The following ANKS1B variants were observed in gnomAD, a reference collection of about 807,000 sequenced individuals.
ANKS1B encodes the protein ankyrin repeat and sterile alpha motif domain containing 1B, also known as ankyrin repeat and sterile alpha motif domain-containing protein 1B.
Under a neutral mutation model 148.3 loss-of-function variants are expected in ANKS1B, and 36 were observed. The ratio of observed to expected loss-of-function variants is 0.24; its 90% CI spans 0.19 to 0.32. The LOEUF is 0.32. ANKS1B is among the 10% of genes least tolerant of loss of function. The pLI is 1.00. For missense variants in ANKS1B, 1,157 were observed against 1,542.6 expected, an observed-to-expected ratio of 0.75 and a Z score of 4.19; for synonymous variants, 542 against 560.8, an observed-to-expected ratio of 0.97 and a Z score of 0.47.
chr12:99,191,789 C>T (rs2080744663), intron 14 of ANKS1B, among the ~76,000 whole-genome samples: 1 of 152,046 alleles, frequency 6.6e-6, no homozygotes, highest in Non-Finnish European at 1.5e-5. Context: ...ACGTGTATAC[C>T]TATGTAACAA....
At position 99,307,809 on chromosome 12, in the gene ANKS1B, C is replaced by G. The variant is rs145877076; in HGVS notation, c.1757-60945G>C. 4.0e-3 allele frequency among the ~76,000 whole-genome samples: 604 copies of G among 151,872 alleles called. 3 individuals carry two copies. The highest frequency in any genetic ancestry group is 0.014 in the African/African-American group (575 of 41,452). On this transcript the variant is annotated intron_variant, in intron 12 of 26. Coordinates refer to ENST00000683438, the MANE Select transcript of ANKS1B (RefSeq NM_001352186.2). ...TTTGCTACATCAAATGTGATCTAGG[C>G]CAACCTTTTTTATTTAGCTGTAGTG...
At chr12:99,225,550 C>T (rs573733162) in intron 14 of ANKS1B, among the ~76,000 whole-genome samples, 1 of 152,204 alleles carries the variant, frequency 6.6e-6, no homozygotes, top group East Asian at 1.9e-4. Flanking sequence ...GCAGATCACC[C>T]TCAATCTGGG....
At chr12:99,619,306 C>A (rs1209903912) in intron 9 of ANKS1B, among the ~76,000 whole-genome samples, 5 of 151,624 alleles carry the variant, frequency 3.3e-5, no homozygotes, top group Non-Finnish European at 1.5e-5. Flanking sequence ...CCTGAGCCAC[C>A]CTACCCTTCC....
At chr12:99,209,832 A>G (rs1359530826) in intron 14 of ANKS1B, among the ~76,000 whole-genome samples, 1 of 152,126 alleles carries the variant, frequency 6.6e-6, no homozygotes, top group Non-Finnish European at 1.5e-5. Context: ...GACCAAAAAC[A>G]TTCCAAACCC....
chr12:99,586,133 A>G (rs573148280), intron 9 of ANKS1B, among the ~76,000 whole-genome samples: 4 of 152,142 alleles, frequency 2.6e-5, no homozygotes, highest in Non-Finnish European at 4.4e-5. Flanking sequence ...CTAAGTTGCA[A>G]TTCCAAACCA....
At chr12:99,947,903 C>T (rs2095110911) in intron 1 of ANKS1B, among the ~76,000 whole-genome samples, 2 of 152,182 alleles carry the variant, frequency 1.3e-5, no homozygotes, top group Non-Finnish European at 2.9e-5. Flanking sequence ...GTGCTCATCT[C>T]CATCTTCAAA....
intron 8 of ANKS1B, among the ~76,000 whole-genome samples, chr12:99,716,641 T>C (rs11110013): frequency 0.66 from 99,749 of 151,812 alleles, 32,906 homozygotes; most frequent in Non-Finnish European, 0.69. Context: ...AAATAATTCT[T>C]GTCGTAAAAT....
At chr12:98,738,820 T>A (rs2153350513) in intron 9 of ANKS1B, among the ~76,000 whole-genome samples, 1 of 152,300 alleles carries the variant, frequency 6.6e-6, no homozygotes, top group African/African-American at 2.4e-5. Context: ...GCTTACGTGA[T>A]GGTTTTGGAG....
At chr12:99,325,535 C>T (rs763050179) in intron 12 of ANKS1B, among the ~76,000 whole-genome samples, 2 of 151,872 alleles carry the variant, frequency 1.3e-5, no homozygotes, top group Non-Finnish European at 2.9e-5. Flanking sequence ...CAACGATTAA[C>T]AGCAGAAACA....
At chr12:99,809,779 T>C (rs1322350291) in intron 3 of ANKS1B, among the ~76,000 whole-genome samples, 1 of 152,100 alleles carries the variant, frequency 6.6e-6, no homozygotes, top group Admixed American at 6.6e-5. Flanking sequence ...AAACCAAAGA[T>C]AACTTTCAGA....
intron 15 of ANKS1B, among the ~76,000 whole-genome samples, chr12:99,096,001 T>C (rs1226245894): frequency 6.6e-6 from 1 of 152,226 alleles, no homozygotes; most frequent in Non-Finnish European, 1.5e-5. Context: ...TTTCAGCTTA[T>C]AATTGAAGAT....
At chr12:98,989,861 G>A (rs1568219111) in intron 17 of ANKS1B, among the ~76,000 whole-genome samples, 1 of 151,530 alleles carries the variant, frequency 6.6e-6, no homozygotes, top group African/African-American at 2.4e-5. Context: ...CCACTGCATT[G>A]CAGCCTAGGT....
intron 17 of ANKS1B, among the ~76,000 whole-genome samples, chr12:98,988,370 C>A (rs767490790): frequency 2.6e-5 from 4 of 152,126 alleles, no homozygotes; most frequent in Non-Finnish European, 4.4e-5. Context: ...TCTTTCTGTG[C>A]CTTTCTTAAT....
intron 9 of ANKS1B, among the ~76,000 whole-genome samples, chr12:99,548,937 T>G (rs916745408): frequency 6.6e-6 from 1 of 151,876 alleles, no homozygotes; most frequent in Non-Finnish European, 1.5e-5. Context: ...GAAACCAAAA[T>G]AGATAATTAC....
intron 17 of ANKS1B, chr12:98,895,422 G>T (rs2099762927): frequency 3.7e-6 from 2 of 543,886 alleles, no homozygotes; most frequent in African/African-American, 4.1e-5. Context: ...AGCCGCCACT[G>T]CCGCTGTTAC....
intron 22 of ANKS1B, among the ~76,000 whole-genome samples, chr12:98,784,869 G>A (rs2098775508): frequency 6.6e-6 from 1 of 152,234 alleles, no homozygotes; most frequent in Admixed American, 6.5e-5. Context: ...AGTGATGCAG[G>A]CTGTGCACAG....
chr12:99,470,850 A>C, intron 10 of ANKS1B, among the ~76,000 whole-genome samples: 1 of 152,128 alleles, frequency 6.6e-6, no homozygotes, highest in East Asian at 1.9e-4. Flanking sequence ...TACTTTGGTT[A>C]CCTGATATTT....
intron 25 of ANKS1B, among the ~76,000 whole-genome samples, chr12:98,756,720 CATCT>C (rs199664487): frequency 2.0e-5 from 3 of 148,770 alleles, no homozygotes; most frequent in African/African-American, 7.5e-5. Context: ...AGCGAGACTC[CATCT>C]ATCTTTTTTT....
intron 1 of ANKS1B, among the ~76,000 whole-genome samples, chr12:99,918,534 G>A (rs574261232): frequency 6.6e-6 from 1 of 152,236 alleles, no homozygotes; most frequent in South Asian, 2.1e-4. Flanking sequence ...AGTGGACCAG[G>A]GTCACACAGC....
Sources: gnomAD v4.1 joint callset for allele counts (sites outside exome capture counted in the v4.1 genomes callset) on GRCh38, gnomAD v4.1.1 for gene constraint, MANE v1.5 for transcripts, NCBI Gene and HGNC (gene_info 2026-07-23, HGNC 2026-07-21) for gene names.